The following TLN2 variants were observed in gnomAD, a reference collection of about 807,000 sequenced individuals.
TLN2 encodes the protein talin-2.
TLN2 carries 118 observed loss-of-function variants against 294.7 expected under a neutral mutation model. That is an observed-to-expected ratio of 0.40 (90% CI 0.34 to 0.47). TLN2 has a LOEUF of 0.47. Ranked by LOEUF, TLN2 falls within the 20% of genes least tolerant of loss-of-function variation. TLN2 has a pLI of 0.84. For missense variants in TLN2, 3,083 were observed against 3,282.2 expected, an observed-to-expected ratio of 0.94 and a Z score of 1.48; for synonymous variants, 1,431 against 1,304.5, an observed-to-expected ratio of 1.10 and a Z score of -2.09.
intron 37 of TLN2, among the ~76,000 whole-genome samples, chr15:62,757,263 A>C (rs934084875): frequency 6.6e-6 from 1 of 152,036 alleles, no homozygotes; most frequent in Non-Finnish European, 1.5e-5. Flanking sequence ...CATGCTGTTC[A>C]CCTCTTTGGG....
Position 62,725,123 on chromosome 15 carries a change from C to G in TLN2, c.3255+19C>G, listed in dbSNP as rs1479557431. ...GGAAACGGTGAGCTGTTAGAGCCAGCTGGGGTGCGGGTGTACCTTTTGTTA... is the reference window on the plus strand; with the variant it reads ...GGAAACGGTGAGCTGTTAGAGCCAGGTGGGGTGCGGGTGTACCTTTTGTTA... On this transcript the variant is annotated intron_variant, in intron 27 of 58. Coordinates refer to ENST00000636159, the MANE Select transcript of TLN2 (RefSeq NM_015059.3). The G allele has an allele frequency of 6.2e-7, 1 of 1,600,954 alleles. No individual in the cohort carries two copies. The highest frequency in any genetic ancestry group is 1.1e-5 in the South Asian group (1 of 89,980).
intron 11 of TLN2, among the ~76,000 whole-genome samples, chr15:62,675,909 C>T (rs1333740877): frequency 1.3e-5 from 2 of 152,134 alleles, no homozygotes; most frequent in African/African-American, 4.8e-5. Context: ...CTTTGTTACC[C>T]CTTTGCTTTT....
chr15:62,511,642 G>A (rs1045331044), intron 1 of TLN2, among the ~76,000 whole-genome samples: 1 of 151,150 alleles, frequency 6.6e-6, no homozygotes, highest in Non-Finnish European at 1.5e-5. Flanking sequence ...CACTGACAGA[G>A]GGATGTTTCT....
At chr15:62,674,575 C>A (rs1402619322) in intron 10 of TLN2, among the ~76,000 whole-genome samples, 1 of 149,732 alleles carries the variant, frequency 6.7e-6, no homozygotes, top group Non-Finnish European at 1.5e-5. Flanking sequence ...CTCACTGCAA[C>A]CTCCGTACCT....
chr15:62,559,474 G>T (rs1362557071), intron 1 of TLN2, among the ~76,000 whole-genome samples: 2 of 152,152 alleles, frequency 1.3e-5, no homozygotes, highest in African/African-American at 2.4e-5. Context: ...GCTTTGTTTG[G>T]CTCAGAGTGA....
Position 62,420,172 on chromosome 15 carries a change from A to T in TLN2, c.-238+29487A>T, listed in dbSNP as rs192177460. On this transcript the variant is annotated intron_variant, in intron 1 of 58. Coordinates refer to ENST00000636159, the MANE Select transcript of TLN2 (RefSeq NM_015059.3). Reference sequence around the variant, plus strand: ...AGCTGTGTGGTCTAGAATTTAATGTATTCATAGTGGAGTGGTGGGCTGGCA... The same window carrying T: ...AGCTGTGTGGTCTAGAATTTAATGTTTTCATAGTGGAGTGGTGGGCTGGCA... Among the ~76,000 whole-genome samples the T allele has an allele frequency of 2.0e-4, 31 of 152,354 alleles. 1 individual carries two copies. The highest frequency in any genetic ancestry group is 1.9e-3 in the Admixed American group (29 of 15,306).
At position 62,650,146 on chromosome 15, in the gene TLN2, G is replaced by A. The variant is rs1215040697; in HGVS notation, c.199G>A (p.Gly67Ser). 6.2e-7 allele frequency: 1 copy of A among 1,614,174 alleles called. No individual in the cohort carries two copies. Among genetic ancestry groups the A allele is most frequent in the Admixed American group, 1.7e-5 (1 of 60,020 alleles). The change falls in exon 5 of 59, where the codon GGC (glycine) becomes AGC (serine). Residue 67 changes from glycine (G) to serine (S), a missense_variant. Gly to Ser is a moderately conservative substitution (Grantham distance 56). Coordinates refer to ENST00000636159, the MANE Select transcript of TLN2 (RefSeq NM_015059.3). ...DPRKGIWLEA[G>S]RTLDYYMLRN... ...GAGGAAAGGGATTTGGCTGGAAGCG[G>A]GCAGAACACTGGATTACTACATGTT...
At chr15:62,587,695 T>C (rs928924272) in intron 1 of TLN2, among the ~76,000 whole-genome samples, 2 of 152,158 alleles carry the variant, frequency 1.3e-5, no homozygotes, top group African/African-American at 4.8e-5. Context: ...AGTGAATTCT[T>C]AGAAGTAGGA....
intron 1 of TLN2, among the ~76,000 whole-genome samples, chr15:62,570,077 T>C (rs1192462457): frequency 6.6e-6 from 1 of 152,202 alleles, no homozygotes; most frequent in East Asian, 1.9e-4. Context: ...TCCTCCTCTT[T>C]CCTCTTCTTA....
At chr15:62,613,706 A>C (rs1447479132) in intron 2 of TLN2, among the ~76,000 whole-genome samples, 1 of 152,180 alleles carries the variant, frequency 6.6e-6, no homozygotes, top group African/African-American at 2.4e-5. Flanking sequence ...ACAAATGTCC[A>C]TCCACATGTG....
intron 1 of TLN2, among the ~76,000 whole-genome samples, chr15:62,418,616 C>A (rs2034216192): frequency 6.6e-6 from 1 of 152,152 alleles, no homozygotes; most frequent in Non-Finnish European, 1.5e-5. Context: ...TTTATTTCAC[C>A]TGGGTGCAGG....
At chr15:62,469,105 G>A (rs1315688587) in intron 1 of TLN2, among the ~76,000 whole-genome samples, 1 of 152,248 alleles carries the variant, frequency 6.6e-6, no homozygotes, top group Non-Finnish European at 1.5e-5. Context: ...GCGTGTAATT[G>A]AAACAGAGCT....
At chr15:62,662,529 G>T (rs1446619719) in intron 9 of TLN2, among the ~76,000 whole-genome samples, 1 of 152,292 alleles carries the variant, frequency 6.6e-6, no homozygotes, top group African/African-American at 2.4e-5. Flanking sequence ...ACATATGTGC[G>T]TGTGTAAGTG....
rs150540400 is a variant in TLN2, at chr15:62,725,468, A to G, written c.3255+364A>G. Among the ~76,000 whole-genome samples the G allele has an allele frequency of 1.2e-3, 176 of 152,310 alleles. 1 individual carries two copies. The East Asian group carries it at 0.015, about 13-fold the overall frequency. On this transcript the variant is annotated intron_variant, in intron 27 of 58. Transcript: ENST00000636159. ...CAAAGCACTAGGATGGACAACGGCA[A>G]AGTGCGTCCATACAGGAAAGCCATA...
At chr15:62,731,701 G>A (rs1410408509) in intron 28 of TLN2, among the ~76,000 whole-genome samples, 1 of 152,172 alleles carries the variant, frequency 6.6e-6, no homozygotes, top group East Asian at 1.9e-4. Context: ...TGCCTTTAGA[G>A]AAAAAGCAAT....
Position 62,796,631 on chromosome 15 carries a change from C to T in TLN2, c.6050+338C>T, listed in dbSNP as rs554800044. ...GGGAATGGCAGGGGCAGGCATATTT[C>T]GCTTAAACCCTGTTTTGGGAAGATA... On this transcript the variant is annotated intron_variant, in intron 47 of 58. Transcript: ENST00000636159. Among the ~76,000 whole-genome samples, 7 of 152,262 alleles carry T rather than the reference C, an allele frequency of 4.6e-5. No individual in the cohort carries two copies. The South Asian group carries it at 8.3e-4, about 18-fold the overall frequency.
chr15:62,504,531 G>C (rs889187654), intron 1 of TLN2, among the ~76,000 whole-genome samples: 4 of 152,184 alleles, frequency 2.6e-5, no homozygotes, highest in Non-Finnish European at 5.9e-5. Context: ...ACACATGTAT[G>C]ATCAATGGAT....
intron 1 of TLN2, among the ~76,000 whole-genome samples, chr15:62,399,204 G>C (rs951565867): frequency 7.2e-6 from 1 of 138,878 alleles, no homozygotes; most frequent in Admixed American, 8.1e-5. Context: ...AGAAATGCCT[G>C]GATGCGCCAC....
intron 55 of TLN2, 108 bp downstream of exon 55, chr15:62,833,737 GC>G: frequency 7.0e-7 from 1 of 1,435,392 alleles, no homozygotes; most frequent in Non-Finnish European, 9.2e-7. Flanking sequence ...CACATGCAGT[GC>G]CTTCCCTCCC....
Sources: allele counts gnomAD v4.1 joint callset (sites outside exome capture counted in the v4.1 genomes callset), GRCh38; gene constraint gnomAD v4.1.1; transcripts MANE v1.5; gene names NCBI Gene and HGNC (gene_info 2026-07-23, HGNC 2026-07-21).